The following SCUBE2 variants were observed in gnomAD, a reference collection of about 807,000 sequenced individuals.
SCUBE2 encodes the protein signal peptide, CUB and EGF-like domain-containing protein 2.
A neutral mutation model predicts 125.9 loss-of-function variants in SCUBE2; 114 were observed. The ratio of observed to expected loss-of-function variants is 0.91; its 90% CI spans 0.78 to 1.06. The LOEUF (loss-of-function observed/expected upper bound fraction) is 1.06. Among genes scored for constraint, SCUBE2 ranks in the 50% least tolerant of loss-of-function variants. SCUBE2 has a pLI of 0.00. For missense variants in SCUBE2, 1,255 were observed against 1,301.8 expected (o/e 0.96, Z 0.55); for synonymous variants, 459 against 492.9 (o/e 0.93, Z 0.91).
chr11:9,070,808 G>C (rs1860726429), intron 4 of SCUBE2, among the ~76,000 whole-genome samples: 1 of 152,216 alleles, frequency 6.6e-6, no homozygotes, highest in Non-Finnish European at 1.5e-5. Flanking sequence ...CCAGAAGACA[G>C]TGCAAGGGTT....
chr11:9,023,780 G>A (rs1027398155), intron 21 of SCUBE2, among the ~76,000 whole-genome samples: 1 of 152,116 alleles, frequency 6.6e-6, no homozygotes, highest in African/African-American at 2.4e-5. Context: ...AAATAATCAA[G>A]TCTACTTTAT....
chr11:9,042,826 C>G (rs1023197236), intron 16 of SCUBE2, among the ~76,000 whole-genome samples: 3 of 152,218 alleles, frequency 2.0e-5, no homozygotes, highest in Admixed American at 1.3e-4. Context: ...ATGTCATCCC[C>G]AAATGCTGCT....
At chr11:9,028,876 T>C (rs1030762410) in intron 19 of SCUBE2, among the ~76,000 whole-genome samples, 1 of 152,122 alleles carries the variant, frequency 6.6e-6, no homozygotes, top group Non-Finnish European at 1.5e-5. Context: ...ACCAACAAGC[T>C]AGGATATCAT....
At position 9,025,875 on chromosome 11, in the gene SCUBE2, A is replaced by AGGGT. The variant is rs760141581; in HGVS notation, c.2702-25_2702-22dup. 5 of 1,611,478 alleles carry AGGGT rather than the reference A, an allele frequency of 3.1e-6. No homozygotes were observed. The South Asian group carries it at 5.5e-5, about 18-fold the overall frequency. On this transcript the variant is annotated intron_variant, in intron 20 of 22. Coordinates refer to ENST00000649792, the MANE Select transcript of SCUBE2 (RefSeq NM_001367977.2). ...TGAAGCTGCCAAGGGAAGTTGGAGAAGGGTGGGGTTCAAGACTCATCACTG... is the reference window on the plus strand; with the variant it reads ...TGAAGCTGCCAAGGGAAGTTGGAGAAGGGTGGGTGGGGTTCAAGACTCATCACTG...
At chr11:9,026,724 A>G (rs193076557) in intron 20 of SCUBE2, 77 of 153,118 alleles carry the variant, frequency 5.0e-4, no homozygotes, top group Non-Finnish European at 9.0e-4. Context: ...TGCCTGGCCT[A>G]TTCTAAGTGT....
At position 9,052,793 on chromosome 11, in the gene SCUBE2, G is replaced by A. The variant is rs925110765; in HGVS notation, c.1487C>T (p.Ser496Phe). ...TTTTTGTTGTTTGTTCCTGAGAGGA[G>A]AGGAAGAGCCACAGGTGACAGAGTA... ...GAYSVTCGSS[S>F]PLRNKQQKSN... The change falls in exon 13 of 23, where the codon TCT becomes TTT. Residue 496 changes from serine (S) to phenylalanine (F), a missense_variant. Physicochemically the swap from Ser to Phe is radical, Grantham distance 155. Transcript: ENST00000649792. 6.5e-7 allele frequency: 1 copy of A among 1,537,216 alleles called. No individual in the cohort carries two copies. The highest frequency in any genetic ancestry group is 1.4e-5 in the African/African-American group (1 of 73,182).
chr11:9,083,871 C>A (rs1332660670), intron 2 of SCUBE2, among the ~76,000 whole-genome samples: 1 of 151,918 alleles, frequency 6.6e-6, no homozygotes, highest in Non-Finnish European at 1.5e-5. Flanking sequence ...GGTTTGGAAT[C>A]CAAAGTATCA....
At chr11:9,056,615 C>T (rs912761232) in intron 9 of SCUBE2, among the ~76,000 whole-genome samples, 1 of 152,188 alleles carries the variant, frequency 6.6e-6, no homozygotes, top group Non-Finnish European at 1.5e-5. Flanking sequence ...AGTGTGGAAG[C>T]CTCCTTGGCT....
Position 9,053,661 on chromosome 11 carries a change from G to T in SCUBE2, c.1306C>A (p.His436Asn). Residue 436 changes from histidine to asparagine, a missense_variant, in exon 11 of 23, where the codon CAC becomes AAC. By Grantham distance (68) the His-to-Asn change is moderately conservative. Coordinates refer to ENST00000649792, the MANE Select transcript of SCUBE2 (RefSeq NM_001367977.2). ...CCCACACAGTCTTTTTTATTCCAGTGGAGCTTGTACCCAGGGTGGCACTGG... is the reference window on the plus strand; with the variant it reads ...CCCACACAGTCTTTTTTATTCCAGTTGAGCTTGTACCCAGGGTGGCACTGG... ...ECQCHPGYKL[H>N]WNKKDCVEVK... 6.2e-7 allele frequency: 1 copy of T among 1,614,114 alleles called. No homozygotes were observed. Among genetic ancestry groups the T allele is most frequent in the Non-Finnish European group, 8.5e-7 (1 of 1,179,990 alleles).
intron 19 of SCUBE2, among the ~76,000 whole-genome samples, chr11:9,029,061 G>A (rs186869565): frequency 1.3e-5 from 2 of 152,074 alleles, no homozygotes; most frequent in Admixed American, 6.5e-5. Flanking sequence ...TCCAGTTTAG[G>A]GGGGGCCTCC....
At chr11:9,065,259 G>A (rs972020876) in intron 7 of SCUBE2, 2 of 152,202 alleles carry the variant, frequency 1.3e-5, no homozygotes, top group African/African-American at 2.4e-5. Context: ...CTCGTGTCAA[G>A]GGAGAGACCA....
At chr11:9,044,720 C>T (rs1469290139) in intron 16 of SCUBE2, among the ~76,000 whole-genome samples, 1 of 152,098 alleles carries the variant, frequency 6.6e-6, no homozygotes, top group Non-Finnish European at 1.5e-5. Context: ...CTGCTCTGCC[C>T]TTGCTCTCCC....
intron 16 of SCUBE2, among the ~76,000 whole-genome samples, chr11:9,039,099 C>T (rs749665122): frequency 6.6e-6 from 1 of 152,006 alleles, no homozygotes; most frequent in Non-Finnish European, 1.5e-5. Flanking sequence ...TCAAGTGGTC[C>T]TCTGTCTCGG....
At chr11:9,084,914 G>A (rs771230678) in intron 2 of SCUBE2, among the ~76,000 whole-genome samples, 25 of 151,946 alleles carry the variant, frequency 1.6e-4, no homozygotes, top group Non-Finnish European at 2.1e-4. Flanking sequence ...TTTTTGTTTT[G>A]TTTTGTTTTG....
At chr11:9,085,533 T>C (rs188199279) in intron 2 of SCUBE2, among the ~76,000 whole-genome samples, 1 of 152,288 alleles carries the variant, frequency 6.6e-6, no homozygotes, top group East Asian at 1.9e-4. Flanking sequence ...GAGACCATCC[T>C]GGCTAACACG....
In SCUBE2 at chr11:9,058,660, T is replaced by C. The variant is rs1272975561; in HGVS notation, c.1090+643A>G. The stretch of plus-strand genomic sequence containing the variant: ...GAAATTAGCTGAGCATGGTGGCAGA[T>C]GCCTGTAATCCCAGCTACTCGGGAG... On this transcript the variant is annotated intron_variant, in intron 9 of 22. Transcript: ENST00000649792. Among the ~76,000 whole-genome samples the C allele has an allele frequency of 7.4e-5, 10 of 134,814 alleles. No individual in the cohort carries two copies. In the Admixed American group the frequency reaches 7.9e-4, roughly 11 times the overall value. The allele number at this position is 134,814 out of a possible 152,430, so 88.4% of individuals were successfully genotyped here.
At position 9,047,968 on chromosome 11, in the gene SCUBE2, A is replaced by G. The variant is rs1322663555; in HGVS notation, c.1770T>C (p.Leu590=). ...CTGTCACCTCCTTTTGGTTAGTTTCAAGCTCAAACTCAACAGTGATAAACA... is the reference window on the plus strand; with the variant it reads ...CTGTCACCTCCTTTTGGTTAGTTTCGAGCTCAAACTCAACAGTGATAAACA... ...KEMFITVEFE[L]ETNQKEVTAS... Residue 590 remains leucine, a synonymous_variant, in exon 15 of 23, where the codon CTT becomes CTC. Transcript: ENST00000649792. 14 of 1,613,164 alleles carry G rather than the reference A, an allele frequency of 8.7e-6. No homozygotes were observed. The African/African-American group carries it at 9.4e-5, about 11-fold the overall frequency.
chr11:9,048,022 G>A lies in SCUBE2; in HGVS notation c.1716C>T (p.Ala572=). The A allele has an allele frequency of 1.2e-6, 2 of 1,614,156 alleles. No individual in the cohort carries two copies. Among genetic ancestry groups the A allele is most frequent in the East Asian group, 2.2e-5 (1 of 44,872 alleles). The change falls in exon 15 of 23, where the codon GCC becomes GCT. Residue 572 remains alanine, a synonymous_variant. Coordinates refer to ENST00000649792, the MANE Select transcript of SCUBE2 (RefSeq NM_001367977.2). The part of the protein sequence containing the change: ...TCSSGKQVPG[A]PGRPSTPKEM... ...CCTTAGGGGTGCTTGGTCGGCCAGG[G>A]GCTCCTGGGACTTGCTTGCCAGAGC...
Position 9,069,454 on chromosome 11 carries a change from T to TA in SCUBE2, c.558_559insT (p.Ile187TyrfsTer13), listed in dbSNP as rs1860569479. ...CTGCCCCTTGGGGCCTCCTTGCAGA[T>TA]GTGACTACAGCCGTGATCCTTATTC... On this transcript the variant is annotated frameshift_variant, in exon 5 of 23. Coordinates refer to ENST00000649792, the MANE Select transcript of SCUBE2 (RefSeq NM_001367977.2). LOFTEE classifies it high-confidence loss of function. The TA allele has an allele frequency of 6.2e-7, 1 of 1,614,144 alleles. No individual in the cohort carries two copies. Among genetic ancestry groups the TA allele is most frequent in the Admixed American group, 1.7e-5 (1 of 60,006 alleles).
Sources: gnomAD v4.1 joint callset for allele counts (sites outside exome capture counted in the v4.1 genomes callset) on GRCh38, gnomAD v4.1.1 for gene constraint, MANE v1.5 for transcripts, NCBI Gene and HGNC (gene_info 2026-07-23, HGNC 2026-07-21) for gene names.